The following SSBP2 variants were observed in gnomAD, a reference collection of about 807,000 sequenced individuals.
SSBP2 encodes single stranded DNA binding protein 2, also known as single-stranded DNA-binding protein 2.
A neutral mutation model predicts 61.8 loss-of-function variants in SSBP2; 17 were observed. The observed-to-expected ratio is 0.28, with a 90% CI of 0.19 to 0.41. SSBP2 has a LOEUF of 0.41. Among genes scored for constraint, SSBP2 ranks in the 10% least tolerant of loss-of-function variants. SSBP2 has a pLI of 1.00. For missense variants in SSBP2, 310 were observed against 458.7 expected (o/e 0.68, Z 2.96); for synonymous variants, 139 against 141.3 (o/e 0.98, Z 0.12).
intron 4 of SSBP2, 52 bp from the exon 5 acceptor site, chr5:81,513,769 A>T (rs1378882130): frequency 8.6e-7 from 1 of 1,162,480 alleles, no homozygotes; most frequent in South Asian, 1.3e-5. Context: ...GAAGGCACAA[A>T]ACCAAAGACT....
intron 4 of SSBP2, among the ~76,000 whole-genome samples, chr5:81,516,124 A>C (rs193161600): frequency 1.3e-5 from 2 of 152,158 alleles, no homozygotes; most frequent in East Asian, 3.9e-4. Flanking sequence ...CCAGTAAAAT[A>C]GGCAAGGATT....
At chr5:81,530,155 A>G (rs780724329) in intron 4 of SSBP2, among the ~76,000 whole-genome samples, 1 of 152,108 alleles carries the variant, frequency 6.6e-6, no homozygotes, top group South Asian at 2.1e-4. Context: ...CTGGTCAGTT[A>G]CTGAAACTCT....
intron 5 of SSBP2, among the ~76,000 whole-genome samples, chr5:81,511,727 C>T (rs957493580): frequency 6.6e-6 from 1 of 152,172 alleles, no homozygotes; most frequent in Non-Finnish European, 1.5e-5. Context: ...TGTTACAACA[C>T]ATATTTCACT....
intron 4 of SSBP2, among the ~76,000 whole-genome samples, chr5:81,592,215 G>A (rs981295261): frequency 6.6e-6 from 1 of 152,238 alleles, no homozygotes; most frequent in Non-Finnish European, 1.5e-5. Flanking sequence ...AGGGTCCTAC[G>A]CCCACAGAGT....
chr5:81,458,709 G>A (rs1000157586), intron 10 of SSBP2, among the ~76,000 whole-genome samples: 1 of 152,096 alleles, frequency 6.6e-6, no homozygotes, highest in Non-Finnish European at 1.5e-5. Context: ...TAAGAAACTT[G>A]GAATTCAACA....
At chr5:81,746,387 T>C (rs539672077) in intron 1 of SSBP2, among the ~76,000 whole-genome samples, 2 of 152,120 alleles carry the variant, frequency 1.3e-5, no homozygotes, top group African/African-American at 4.8e-5. Flanking sequence ...TACTCCTTCA[T>C]TAGTTTTGGA....
In SSBP2 at chr5:81,416,404, A is replaced by G. The variant is rs1224350719; in HGVS notation, c.*4100T>C. On this transcript the variant is annotated 3_prime_UTR_variant, in exon 17 of 17. Transcript: ENST00000320672. ...TCTTAGTACTATACACTATATGCAG[A>G]TGAAAATGGTAAGGGCTGAGAAGGT... 1 of 152,230 alleles carries G rather than the reference A, an allele frequency of 6.6e-6. No individual in the cohort carries two copies. 9.4% of individuals were successfully genotyped at this position (152,230 alleles called of 1,614,324 possible). A position where few individuals can be genotyped will look rare whatever the true frequency, so the allele number is the denominator to read the frequency against.
intron 1 of SSBP2, among the ~76,000 whole-genome samples, chr5:81,746,649 T>C (rs1757366714): frequency 6.6e-6 from 1 of 152,134 alleles, no homozygotes; most frequent in African/African-American, 2.4e-5. Context: ...GAAATAAGCA[T>C]ATGGTATTTG....
chr5:81,440,443 A>G, intron 14 of SSBP2, 115 bp downstream of exon 14: 1 of 748,922 alleles, frequency 1.3e-6, no homozygotes, highest in Non-Finnish European at 2.2e-6. Context: ...TAAAAGTTGA[A>G]GTATTTAAAA....
chr5:81,602,921 T>C (rs558100659), intron 4 of SSBP2, among the ~76,000 whole-genome samples: 2 of 152,286 alleles, frequency 1.3e-5, no homozygotes, highest in East Asian at 3.9e-4. Flanking sequence ...GTGATTACTG[T>C]CTTTCAATCC....
chr5:81,468,026 G>A (rs746185426), intron 8 of SSBP2, among the ~76,000 whole-genome samples: 3 of 151,888 alleles, frequency 2.0e-5, no homozygotes, highest in Non-Finnish European at 2.9e-5. Context: ...TAACTCATAC[G>A]TTGAACTTCA....
intron 4 of SSBP2, among the ~76,000 whole-genome samples, chr5:81,596,229 C>A (rs1279566961): frequency 6.6e-6 from 1 of 151,766 alleles, no homozygotes; most frequent in Non-Finnish European, 1.5e-5. Context: ...GAGTGAACTC[C>A]CATTCACAAT....
At chr5:81,593,247 G>C (rs1206067035) in intron 4 of SSBP2, among the ~76,000 whole-genome samples, 1 of 152,146 alleles carries the variant, frequency 6.6e-6, no homozygotes. Flanking sequence ...ATCAGTGATG[G>C]AAGACAAAAT....
intron 6 of SSBP2, among the ~76,000 whole-genome samples, chr5:81,477,816 G>A (rs1765695167): frequency 6.6e-6 from 1 of 152,158 alleles, no homozygotes; most frequent in South Asian, 2.1e-4. Flanking sequence ...AATGTGTATT[G>A]AGGGAATAAA....
intron 1 of SSBP2, among the ~76,000 whole-genome samples, chr5:81,716,662 A>G (rs1755190094): frequency 1.3e-5 from 2 of 151,902 alleles, no homozygotes; most frequent in Non-Finnish European, 2.9e-5. Flanking sequence ...TTCTTTTAAA[A>G]CTCCTTAATA....
chr5:81,631,952 C>A (rs1005178557), intron 3 of SSBP2, among the ~76,000 whole-genome samples: 3 of 152,134 alleles, frequency 2.0e-5, no homozygotes, highest in Non-Finnish European at 4.4e-5. Context: ...CTCCTTGCCT[C>A]ACCCTGCAAC....
intron 9 of SSBP2, among the ~76,000 whole-genome samples, chr5:81,463,623 C>G (rs547900448): frequency 6.6e-6 from 1 of 152,048 alleles, no homozygotes; most frequent in Admixed American, 6.6e-5. Flanking sequence ...TTGCTTGAAC[C>G]GGAGAGGCAG....
In SSBP2 at chr5:81,615,407, T is replaced by C; in HGVS notation, c.282+66A>G. On this transcript the variant is annotated intron_variant, in intron 4 of 16. Coordinates refer to ENST00000320672, the MANE Select transcript of SSBP2 (RefSeq NM_012446.5). ...CAAAAGAATAGATGAGCCAGTGTAT[T>C]TTTTAAGAGCAGTGGTTAAACAGAA... 8 of 1,180,950 alleles carry C rather than the reference T, an allele frequency of 6.8e-6. No individual in the cohort carries two copies. The South Asian group carries it at 9.9e-5, about 15-fold the overall frequency. The allele number at this position is 1,180,950 out of a possible 1,614,324, so 73.2% of individuals were successfully genotyped here.
chr5:81,473,078 C>T (rs1336520100), intron 8 of SSBP2, among the ~76,000 whole-genome samples: 1 of 152,146 alleles, frequency 6.6e-6, no homozygotes, highest in Non-Finnish European at 1.5e-5. Flanking sequence ...TTTGGCATGT[C>T]ACAAATGTTA....
Sources: allele counts gnomAD v4.1 joint callset (sites outside exome capture counted in the v4.1 genomes callset), GRCh38; gene constraint gnomAD v4.1.1; transcripts MANE v1.5; gene names NCBI Gene and HGNC (gene_info 2026-07-23, HGNC 2026-07-21).